Variants in ANKRD13D observed in about 807,000 individuals in gnomAD.
ANKRD13D encodes the protein ankyrin repeat domain-containing protein 13D.
In ANKRD13D, 24 loss-of-function variants were observed where a neutral mutation model predicts 68.8. The ratio of observed to expected loss-of-function variants is 0.35; its 90% CI spans 0.25 to 0.49. The LOEUF is 0.49. ANKRD13D is among the 20% of genes least tolerant of loss of function. The pLI is 0.99. For missense variants in ANKRD13D, 735 were observed against 832.1 expected (o/e 0.88, Z 1.44); for synonymous variants, 331 against 336.1 (o/e 0.98, Z 0.16).
At position 67,301,554 on chromosome 11, in the gene ANKRD13D, G is replaced by C; in HGVS notation, c.1415G>C (p.Gly472Ala). ...FEVPNGYSVL[G>A]MERNEPLRDE... The stretch of plus-strand genomic sequence containing the variant: ...GTGCCCAACGGGTACAGCGTGCTGG[G>C]CATGGAGCGCAACGAGCCCCTCCGG... Residue 472 changes from glycine (G) to alanine (A), a missense_variant, in exon 13 of 15, where the codon GGC becomes GCC. Coordinates refer to ENST00000511455, the MANE Select transcript of ANKRD13D (RefSeq NM_207354.3). This position sits in a 1 kb window ranked among gnomAD's most constrained non-coding sequence, Gnocchi z 4.5. 6.2e-7 allele frequency: 1 copy of C among 1,613,024 alleles called. No individual in the cohort carries two copies. The highest frequency in any genetic ancestry group is 8.5e-7 in the Non-Finnish European group (1 of 1,180,010).
intron 6 of ANKRD13D, chr11:67,298,830 C>T: frequency 1.8e-6 from 1 of 571,120 alleles, no homozygotes; most frequent in Admixed American, 3.0e-5. Context: ...ACTATCATAC[C>T]TCACAAGATT....
intron 1 of ANKRD13D, 64 bp from the exon 2 acceptor site, chr11:67,290,014 C>T (rs1860465178): frequency 1.3e-6 from 2 of 1,496,322 alleles, no homozygotes; most frequent in Non-Finnish European, 1.8e-6. Flanking sequence ...CCCTGCTCGC[C>T]CTGGCAGCCT....
At chr11:67,295,941 G>A in intron 6 of ANKRD13D, among the ~76,000 whole-genome samples, 1 of 152,118 alleles carries the variant, frequency 6.6e-6, no homozygotes, top group Non-Finnish European at 1.5e-5. Context: ...TATCATGAAA[G>A]GATGTTGGAT....
At chr11:67,298,886 T>TGTC in intron 6 of ANKRD13D, 172 bp from the exon 7 acceptor site, 1 of 653,634 alleles carries the variant, frequency 1.5e-6, no homozygotes. Context: ...CATGCTCAAG[T>TGTC]GTCCCCCCCT....
At position 67,299,740 on chromosome 11, in the gene ANKRD13D, C is replaced by A. The variant is rs949435900; in HGVS notation, c.881-87C>A. On this transcript the variant is annotated intron_variant, in intron 8 of 14. Transcript: ENST00000511455. This position sits in a 1 kb window ranked among gnomAD's most constrained non-coding sequence, Gnocchi z 6.2. ...CCCCATTCCCGTCTGACCCCTCTTC[C>A]CCCAGACAGTAGGCTCCAGGGGTGG... 5 of 1,540,792 alleles carry A rather than the reference C, an allele frequency of 3.2e-6. No homozygotes were observed. The highest frequency in any genetic ancestry group is 4.4e-6 in the Non-Finnish European group (5 of 1,139,092).
In ANKRD13D at chr11:67,299,734, C is replaced by A; in HGVS notation, c.881-93C>A. 3 of 1,539,326 alleles carry A rather than the reference C, an allele frequency of 1.9e-6. No individual in the cohort carries two copies. The highest frequency in any genetic ancestry group is 2.6e-6 in the Non-Finnish European group (3 of 1,137,806). Reference sequence around the variant, plus strand: ...AGGCCTCCCCATTCCCGTCTGACCCCTCTTCCCCCAGACAGTAGGCTCCAG... The same window carrying A: ...AGGCCTCCCCATTCCCGTCTGACCCATCTTCCCCCAGACAGTAGGCTCCAG... On this transcript the variant is annotated intron_variant, in intron 8 of 14. Transcript: ENST00000511455. The surrounding 1 kb of genome is among the most constrained non-coding windows in gnomAD (Gnocchi z 6.2).
chr11:67,290,475 G>GGTACCATGGCA (rs1565075007), intron 3 of ANKRD13D, 29 bp downstream of exon 3: 1 of 1,544,278 alleles, frequency 6.5e-7, no homozygotes, highest in South Asian at 1.2e-5. Context: ...ATGGAGGTGG[G>GGTACCATGGCA]GTACCATGGC....
Position 67,290,356 on chromosome 11 carries a change from G to A in ANKRD13D, c.261G>A (p.Glu87=). 6.4e-7 allele frequency: 1 copy of A among 1,572,216 alleles called. No homozygotes were observed. Among genetic ancestry groups the A allele is most frequent in the Non-Finnish European group, 8.6e-7 (1 of 1,159,142 alleles). ...AGGCAGTCAGCACTGGAGACCCCGA[G>A]ATGGTGCAGCTGGTGCTCCAGTATC... ...LQEAVSTGDP[E]MVQLVLQYRD... Residue 87 remains glutamate, a synonymous_variant, in exon 3 of 15, where the codon GAG becomes GAA. Transcript: ENST00000511455.
At position 67,300,598 on chromosome 11, in the gene ANKRD13D, C is replaced by G. The variant is rs1002575438; in HGVS notation, c.1074-392C>G. Reference sequence around the variant, plus strand: ...TAGCCACCCAACAGTCGCTGGGATTCGAACCCTGGCAGTCTTGCCCTGGGG... The same window carrying G: ...TAGCCACCCAACAGTCGCTGGGATTGGAACCCTGGCAGTCTTGCCCTGGGG... On this transcript the variant is annotated intron_variant, in intron 10 of 14. Coordinates refer to ENST00000511455, the MANE Select transcript of ANKRD13D (RefSeq NM_207354.3). The surrounding 1 kb of genome is among the most constrained non-coding windows in gnomAD (Gnocchi z 4.3). 2.2e-5 allele frequency: 9 copies of G among 400,814 alleles called. No individual in the cohort carries two copies. Among genetic ancestry groups the G allele is most frequent in the African/African-American group, 1.8e-4 (9 of 49,076 alleles). 24.8% of individuals were successfully genotyped at this position (400,814 alleles called of 1,614,324 possible). A position where few individuals can be genotyped will look rare whatever the true frequency, so the allele number is the denominator to read the frequency against.
chr11:67,289,676 C>T, intron 1 of ANKRD13D, 126 bp downstream of exon 1: 1 of 1,274,104 alleles, frequency 7.8e-7, no homozygotes, highest in Non-Finnish European at 1.0e-6. Context: ...GGCCTTCCTC[C>T]CCTGCACGAT....
rs998828355 is a variant in ANKRD13D at position 67,301,424 on chromosome 11, C to G, written c.1348+26C>G. Reference sequence around the variant, plus strand: ...GTACCCCAACGGGAGGAAGAGGGAGCCTGCACAGCTTTCTGGTCACCAAGC... The same window carrying G: ...GTACCCCAACGGGAGGAAGAGGGAGGCTGCACAGCTTTCTGGTCACCAAGC... On this transcript the variant is annotated intron_variant, in intron 12 of 14. Coordinates refer to ENST00000511455, the MANE Select transcript of ANKRD13D (RefSeq NM_207354.3). The surrounding 1 kb of genome is among the most constrained non-coding windows in gnomAD (Gnocchi z 4.5). The G allele has an allele frequency of 3.7e-6, 6 of 1,607,290 alleles. No homozygotes were observed. In the African/African-American group the frequency reaches 6.7e-5, roughly 18 times the overall value.
Position 67,301,221 on chromosome 11 carries a change from G to A in ANKRD13D, c.1232-61G>A. 1 of 1,595,704 alleles carries A rather than the reference G, an allele frequency of 6.3e-7. No individual in the cohort carries two copies. Among genetic ancestry groups the A allele is most frequent in the Non-Finnish European group, 8.6e-7 (1 of 1,169,254 alleles). Reference sequence around the variant, plus strand: ...CCCTCAGCGCAGTCCCTGGAGAGCTGCAGGGGCCGGAGGCACAGGTGGCTC... The same window carrying A: ...CCCTCAGCGCAGTCCCTGGAGAGCTACAGGGGCCGGAGGCACAGGTGGCTC... On this transcript the variant is annotated intron_variant, in intron 11 of 14. Coordinates refer to ENST00000511455, the MANE Select transcript of ANKRD13D (RefSeq NM_207354.3). This position sits in a 1 kb window ranked among gnomAD's most constrained non-coding sequence, Gnocchi z 4.5.
intron 1 of ANKRD13D, 83 bp from the exon 2 acceptor site, chr11:67,289,995 G>A: frequency 6.8e-7 from 1 of 1,469,752 alleles, no homozygotes; most frequent in Non-Finnish European, 9.0e-7. Context: ...TTCCCACAGC[G>A]ATTCCCAACC....
intron 6 of ANKRD13D, among the ~76,000 whole-genome samples, chr11:67,296,338 AGTGTGTGTGTGT>A (rs35848734): frequency 6.8e-6 from 1 of 147,656 alleles, no homozygotes; most frequent in East Asian, 2.0e-4. Context: ...TTTGGGCCTG[AGTGTGTGTGTGT>A]GTGTGTGTGT....
intron 6 of ANKRD13D, 28 bp downstream of exon 6, chr11:67,292,208 T>C: frequency 1.3e-6 from 2 of 1,562,716 alleles, no homozygotes; most frequent in Non-Finnish European, 1.7e-6. Flanking sequence ...ACACCGTGGG[T>C]GGGATGGGGA....
intron 6 of ANKRD13D, among the ~76,000 whole-genome samples, chr11:67,297,003 G>GT (rs1448943365): frequency 2.0e-5 from 3 of 151,998 alleles, no homozygotes; most frequent in Admixed American, 2.0e-4. Flanking sequence ...CGAAGAGCCA[G>GT]TTTTTGGTTT....
rs112865164 is a variant in ANKRD13D, at chr11:67,302,475, T to C, written c.*143T>C. 9.6e-4 allele frequency: 1,226 copies of C among 1,281,334 alleles called. 9 individuals are homozygous for C. The African/African-American group carries it at 0.017, about 18-fold the overall frequency. The allele number at this position is 1,281,334 out of a possible 1,614,324, so 79.4% of individuals were successfully genotyped here. On this transcript the variant is annotated 3_prime_UTR_variant, in exon 15 of 15. Transcript: ENST00000511455. ...GAGACTGAGATGGAAATAAAGAGAC[T>C]GTCGCAGCAGGGCTGCTCTGCTCAC...
Position 67,301,954 on chromosome 11 carries a change from A to G in ANKRD13D, c.1604+131A>G. 7.5e-7 allele frequency: 1 copy of G among 1,336,224 alleles called. No homozygotes were observed. Among genetic ancestry groups the G allele is most frequent in the Middle Eastern group, 2.7e-4 (1 of 3,744 alleles). The allele number at this position is 1,336,224 out of a possible 1,614,324, so 82.8% of individuals were successfully genotyped here. On this transcript the variant is annotated intron_variant, in intron 14 of 14. Transcript: ENST00000511455. The surrounding 1 kb of genome is among the most constrained non-coding windows in gnomAD (Gnocchi z 4.5). ...CCCTCTGTCAGCAGCGCTATCTGCC[A>G]CCAAAGGTGGTGTGAGGGGTGGGGA...
At chr11:67,290,651 G>A (rs1860496922) in intron 3 of ANKRD13D, 3 of 747,142 alleles carry the variant, frequency 4.0e-6, no homozygotes, top group South Asian at 2.5e-5. Flanking sequence ...TGGACCCTTT[G>A]GAAGAGAAGC....
Sources: gnomAD v4.1 joint callset for allele counts (sites outside exome capture counted in the v4.1 genomes callset) on GRCh38, gnomAD v4.1.1 for gene constraint, Gnocchi (gnomAD v3.1) non-coding constraint, MANE v1.5 for transcripts, NCBI Gene and HGNC (gene_info 2026-07-23, HGNC 2026-07-21) for gene names.